KLHL29: variants seen among roughly 807,000 people sequenced by gnomAD.
KLHL29 encodes the protein kelch-like protein 29.
A neutral mutation model predicts 80.4 loss-of-function variants in KLHL29; 21 were observed. The ratio of observed to expected loss-of-function variants is 0.26; its 90% CI spans 0.19 to 0.38. The LOEUF (loss-of-function observed/expected upper bound fraction) is 0.38, where lower values mean the gene tolerates loss of function less well. Ranked by LOEUF, KLHL29 falls within the 10% of genes least tolerant of loss-of-function variation. The probability of loss-of-function intolerance (pLI) is 1.00; values close to 1 mark genes in which losing one functional copy is unlikely to be tolerated. For synonymous variants in KLHL29, 511 were observed against 526.8 expected (o/e 0.97, Z 0.41); for missense variants, 867 against 1,223.9 (o/e 0.71, Z 4.35).
intron 1 of KLHL29, among the ~76,000 whole-genome samples, chr2:23,460,118 C>T (rs1664169010): frequency 6.6e-6 from 1 of 152,204 alleles, no homozygotes; most frequent in Non-Finnish European, 1.5e-5. Context: ...TTATTCATTA[C>T]TTGATCCAAC....
At chr2:23,571,627 T>C (rs969602873) in intron 3 of KLHL29, among the ~76,000 whole-genome samples, 1 of 152,218 alleles carries the variant, frequency 6.6e-6, no homozygotes, top group Non-Finnish European at 1.5e-5. Flanking sequence ...AAAGGTTTCC[T>C]TGCTTTTAAG....
chr2:23,698,520 T>C (rs750150509), intron 11 of KLHL29, among the ~76,000 whole-genome samples: 32 of 152,074 alleles, frequency 2.1e-4, no homozygotes, highest in Non-Finnish European at 3.8e-4. Context: ...GCACTAATGG[T>C]ACAAATGGCT....
At chr2:23,589,195 G>T (rs1370416566) in intron 3 of KLHL29, among the ~76,000 whole-genome samples, 4 of 152,270 alleles carry the variant, frequency 2.6e-5, no homozygotes, top group Non-Finnish European at 4.4e-5. Flanking sequence ...CCGTTCCTGG[G>T]CTTGTGCCTT....
chr2:23,654,837 C>T (rs1276518145), intron 5 of KLHL29, among the ~76,000 whole-genome samples: 2 of 152,188 alleles, frequency 1.3e-5, no homozygotes, highest in African/African-American at 4.8e-5. Context: ...AGACCCTGCC[C>T]AGGTATAGCT....
Position 23,391,977 on chromosome 2 carries a change from G to A in KLHL29, c.-154+6197G>A, listed in dbSNP as rs117103563. 2.3e-3 allele frequency among the ~76,000 whole-genome samples: 346 copies of A among 152,306 alleles called. 11 individuals carry two copies. The East Asian group carries it at 0.057, about 25-fold the overall frequency. ...TTAGAAACATGGGCTTCCTGTCCAC[G>A]TTGAAGTCCCGTCTCCAGTGCTTCC... On this transcript the variant is annotated intron_variant, in intron 1 of 13. Coordinates refer to ENST00000486442, the MANE Select transcript of KLHL29 (RefSeq NM_052920.2).
At chr2:23,399,572 A>G (rs1431770035) in intron 1 of KLHL29, among the ~76,000 whole-genome samples, 1 of 152,164 alleles carries the variant, frequency 6.6e-6, no homozygotes, top group East Asian at 1.9e-4. Context: ...TTTATTTATT[A>G]TTATTTTATT....
In KLHL29 at chr2:23,385,551, C is replaced by T. The variant is rs573548289; in HGVS notation, c.-383C>T. On this transcript the variant is annotated 5_prime_UTR_variant, in exon 1 of 14. Transcript: ENST00000486442. The stretch of plus-strand genomic sequence containing the variant: ...CGACTTCCCTCTCCCGGGCATCCTC[C>T]CTGGGCTGCCGGGAGGCGGCGGCGG... 5.8e-5 allele frequency: 10 copies of T among 171,570 alleles called. 1 individual carries two copies. In the South Asian group the frequency reaches 1.8e-3, roughly 30 times the overall value. The allele number at this position is 171,570 out of a possible 1,614,324, so 10.6% of individuals were successfully genotyped here.
chr2:23,635,239 G>A (rs139524574), intron 3 of KLHL29, among the ~76,000 whole-genome samples: 135 of 152,356 alleles, frequency 8.9e-4, no homozygotes, highest in Non-Finnish European at 1.4e-3. Flanking sequence ...TGAGCAAAGG[G>A]TACTCCATGG....
chr2:23,693,791 G>A (rs1206780583), intron 8 of KLHL29, among the ~76,000 whole-genome samples: 1 of 152,220 alleles, frequency 6.6e-6, no homozygotes, highest in Non-Finnish European at 1.5e-5. Context: ...CTGAGCCAGG[G>A]GGCTCTGGGG....
intron 2 of KLHL29, among the ~76,000 whole-genome samples, chr2:23,519,516 G>T (rs530718318): frequency 6.6e-6 from 1 of 152,182 alleles, no homozygotes; most frequent in Non-Finnish European, 1.5e-5. Context: ...CCAGGGTGTT[G>T]CCCTATTTAG....
chr2:23,701,979 ATTTT>A (rs70941587), intron 11 of KLHL29, among the ~76,000 whole-genome samples: 4 of 144,572 alleles, frequency 2.8e-5, no homozygotes, highest in African/African-American at 1.0e-4. Context: ...TGCCCAGCTA[ATTTT>A]TTTTTTTTTT....
Position 23,703,766 on chromosome 2 carries a change from C to T in KLHL29, c.2347C>T (p.Leu783=), listed in dbSNP as rs1214475270. The T allele has an allele frequency of 1.6e-5, 24 of 1,537,196 alleles. No individual in the cohort carries two copies. The highest frequency in any genetic ancestry group is 2.1e-5 in the Non-Finnish European group (24 of 1,146,924). The change falls in exon 13 of 14, where the codon CTG becomes TTG. Residue 783 remains leucine, a synonymous_variant. Transcript: ENST00000486442. The part of the protein sequence containing the change: ...AVTLNGFVFI[L]GGAYARATTI... ...CACGCTCAATGGCTTCGTTTTCATC[C>T]TGGGCGGGGCTTATGCCAGAGCTAC...
chr2:23,498,831 A>C (rs1206287741), intron 2 of KLHL29, among the ~76,000 whole-genome samples: 23 of 152,196 alleles, frequency 1.5e-4, no homozygotes, highest in Admixed American at 1.4e-3. Context: ...TAGAAGATTC[A>C]AGGCAGAACC....
At chr2:23,516,564 A>C (rs1442531025) in intron 2 of KLHL29, among the ~76,000 whole-genome samples, 1 of 152,110 alleles carries the variant, frequency 6.6e-6, no homozygotes, top group East Asian at 1.9e-4. Flanking sequence ...CTAGGTTATG[A>C]TTATACCAGC....
At chr2:23,620,836 A>G (rs1669160870) in intron 3 of KLHL29, among the ~76,000 whole-genome samples, 1 of 152,222 alleles carries the variant, frequency 6.6e-6, no homozygotes, top group Non-Finnish European at 1.5e-5. Flanking sequence ...CCAAGCCCGC[A>G]GAGCCGGGTG....
chr2:23,565,001 C>T (rs371171495), intron 3 of KLHL29, among the ~76,000 whole-genome samples: 2 of 152,164 alleles, frequency 1.3e-5, no homozygotes, highest in South Asian at 4.1e-4. Flanking sequence ...CCTCTCTGGG[C>T]GTCACTTCTG....
chr2:23,573,036 A>G (rs1572409504), intron 3 of KLHL29, among the ~76,000 whole-genome samples: 1 of 143,490 alleles, frequency 7.0e-6, no homozygotes, highest in East Asian at 2.1e-4. Flanking sequence ...ATGAAGACGT[A>G]ACCCCGTGGT....
chr2:23,549,387 G>C (rs527405909), intron 2 of KLHL29, among the ~76,000 whole-genome samples: 76 of 152,266 alleles, frequency 5.0e-4, no homozygotes, highest in Admixed American at 3.5e-3. Flanking sequence ...GTCAACAGAG[G>C]CTGCCTCGTT....
chr2:23,473,854 G>A (rs949659286), intron 1 of KLHL29, among the ~76,000 whole-genome samples: 6 of 152,080 alleles, frequency 3.9e-5, no homozygotes, highest in Non-Finnish European at 4.4e-5. Flanking sequence ...AGCCACAGTG[G>A]CTTCCTTGGT....
Sources: allele counts gnomAD v4.1 joint callset (sites outside exome capture counted in the v4.1 genomes callset), GRCh38; gene constraint gnomAD v4.1.1; transcripts MANE v1.5; gene names NCBI Gene and HGNC (gene_info 2026-07-23, HGNC 2026-07-21).